The following TRPM7 variants were observed in gnomAD, a reference collection of about 807,000 sequenced individuals.
TRPM7 encodes LTRPC ion channel family member 7.
Under a neutral mutation model 229.7 loss-of-function variants are expected in TRPM7, and 134 were observed. The ratio of observed to expected loss-of-function variants is 0.58; its 90% CI spans 0.51 to 0.67. TRPM7 has a LOEUF of 0.67. Ranked by LOEUF, TRPM7 falls within the 30% of genes least tolerant of loss-of-function variation. The pLI is 0.00. For synonymous variants in TRPM7, 699 were observed against 715.2 expected (o/e 0.98, Z 0.36); for missense variants, 1,901 against 2,210.0 (o/e 0.86, Z 2.80).
intron 16 of TRPM7, among the ~76,000 whole-genome samples, chr15:50,611,796 G>C (rs2060068924): frequency 6.6e-6 from 1 of 152,132 alleles, no homozygotes; most frequent in African/African-American, 2.4e-5. Context: ...AATTATCACT[G>C]CCCTCTAAAT....
intron 4 of TRPM7, among the ~76,000 whole-genome samples, chr15:50,644,158 A>C (rs1596292031): frequency 6.6e-6 from 1 of 152,334 alleles, no homozygotes; most frequent in African/African-American, 2.4e-5. Context: ...GAAAATCGTA[A>C]TCAACATTTC....
intron 1 of TRPM7, among the ~76,000 whole-genome samples, chr15:50,671,873 G>C (rs1042920920): frequency 4.6e-5 from 7 of 152,010 alleles, no homozygotes; most frequent in Non-Finnish European, 1.0e-4. Flanking sequence ...GGACTACTTG[G>C]GTATTTGTTT....
intron 1 of TRPM7, among the ~76,000 whole-genome samples, chr15:50,672,233 TTAG>T (rs959699588): frequency 3.9e-5 from 6 of 152,084 alleles, no homozygotes; most frequent in African/African-American, 1.4e-4. Context: ...TTTTGTATTT[TTAG>T]TAGAGACATT....
intron 3 of TRPM7, among the ~76,000 whole-genome samples, chr15:50,652,521 G>C (rs2061449606): frequency 9.5e-6 from 1 of 105,806 alleles, no homozygotes; most frequent in Non-Finnish European, 2.1e-5. Flanking sequence ...GCAAGACTCT[G>C]TCTCAAAAAA....
chr15:50,681,243 T>C (rs2062234025), intron 1 of TRPM7, among the ~76,000 whole-genome samples: 1 of 131,966 alleles, frequency 7.6e-6, no homozygotes, highest in African/African-American at 3.4e-5. Context: ...CGAGCAAGAC[T>C]TCGTCTCAAA....
chr15:50,686,520 G>A lies in TRPM7; in HGVS notation c.3+11C>T. ...AACCATTCCCCGCCCGGGCCTGCGT[G>A]GGTCCAGTACCATTCTCCTCACGGG... On this transcript the variant is annotated intron_variant, in intron 1 of 38. Coordinates refer to ENST00000646667, the MANE Select transcript of TRPM7 (RefSeq NM_017672.6). 3 of 1,613,766 alleles carry A rather than the reference G, an allele frequency of 1.9e-6. No individual in the cohort carries two copies. The highest frequency in any genetic ancestry group is 2.5e-6 in the Non-Finnish European group (3 of 1,179,822).
In TRPM7 at chr15:50,635,645, AG is replaced by A. The variant is rs1049217014; in HGVS notation, c.833-1090del. On this transcript the variant is annotated intron_variant, in intron 7 of 38. Transcript: ENST00000646667. ...GCCACTGCACTCCAGCCTGAGCAAC[AG>A]AGCAAGACTCCATCTCCCAAAAAAA... Among the ~76,000 whole-genome samples the A allele has an allele frequency of 6.2e-4, 87 of 140,520 alleles. 1 individual carries two copies. The highest frequency in any genetic ancestry group is 1.1e-3 in the Non-Finnish European group (72 of 65,744). 92.2% of individuals were successfully genotyped at this position (140,520 alleles called of 152,430 possible). A position where few individuals can be genotyped will look rare whatever the true frequency, so the allele number is the denominator to read the frequency against.
At chr15:50,595,985 T>C (rs2059619549) in intron 23 of TRPM7, among the ~76,000 whole-genome samples, 3 of 152,232 alleles carry the variant, frequency 2.0e-5, no homozygotes, top group South Asian at 2.1e-4. Context: ...GAATTTTCTA[T>C]ATTGAATGCG....
At chr15:50,569,864 A>G (rs2053785380) in intron 38 of TRPM7, 23 bp downstream of exon 38, 2 of 1,525,256 alleles carry the variant, frequency 1.3e-6, no homozygotes, top group Middle Eastern at 1.8e-4. Flanking sequence ...TTTATATACT[A>G]TACTGATTAA....
At chr15:50,660,960 G>C (rs990796006) in intron 2 of TRPM7, among the ~76,000 whole-genome samples, 7 of 150,712 alleles carry the variant, frequency 4.6e-5, no homozygotes, top group Admixed American at 1.3e-4. Context: ...CACAATAACA[G>C]AATATTAACT....
chr15:50,570,360 T>C (rs1485389677), intron 36 of TRPM7, among the ~76,000 whole-genome samples: 1 of 152,152 alleles, frequency 6.6e-6, no homozygotes, highest in African/African-American at 2.4e-5. Flanking sequence ...GGGAGAGGCA[T>C]ATCTCCTTGT....
Position 50,611,178 on chromosome 15 carries a change from G to T in TRPM7, c.2195C>A (p.Pro732His). 3.7e-6 allele frequency: 6 copies of T among 1,613,908 alleles called. No individual in the cohort carries two copies. The highest frequency in any genetic ancestry group is 5.1e-6 in the Non-Finnish European group (6 of 1,179,926). ...LKLAVSSRLR[P>H]FVAHTCTQML... Reference sequence around the variant, plus strand: ...TTGTGTACAGGTGTGAGCTACAAAAGGTCTAAGTCTTGAAGAAACTGCTAA... The same window carrying T: ...TTGTGTACAGGTGTGAGCTACAAAATGTCTAAGTCTTGAAGAAACTGCTAA... The change falls in exon 17 of 39, where the codon CCT becomes CAT. Residue 732 changes from proline (P) to histidine (H), a missense_variant. Coordinates refer to ENST00000646667, the MANE Select transcript of TRPM7 (RefSeq NM_017672.6).
rs758198272 is a variant in TRPM7 at position 50,611,272 on chromosome 15, C to T, written c.2101G>A (p.Asp701Asn). The T allele has an allele frequency of 3.7e-6, 6 of 1,613,774 alleles. No homozygotes were observed. In the South Asian group the frequency reaches 6.6e-5, roughly 18 times the overall value. ...AGCAATTTCATAGCCATGGTTTCATCTTGTCTGAAGGACTGTTCTAATAAT... is the reference window on the plus strand; with the variant it reads ...AGCAATTTCATAGCCATGGTTTCATTTTGTCTGAAGGACTGTTCTAATAAT... ...VELLEQSFRQ[D>N]ETMAMKLLTY... Residue 701 changes from aspartate (D) to asparagine (N), a missense_variant, in exon 17 of 39, where the codon GAT (aspartate) becomes AAT (asparagine). By Grantham distance (23) the Asp-to-Asn change is conservative. Transcript: ENST00000646667.
At chr15:50,588,342 G>C (rs1402420968) in intron 27 of TRPM7, 1 of 367,444 alleles carries the variant, frequency 2.7e-6, no homozygotes, top group Non-Finnish European at 3.8e-6. Flanking sequence ...ACCTCAATTT[G>C]CATATAATAA....
intron 10 of TRPM7, among the ~76,000 whole-genome samples, chr15:50,630,113 T>C (rs1295163734): frequency 6.6e-6 from 1 of 152,022 alleles, no homozygotes; most frequent in Non-Finnish European, 1.5e-5. Flanking sequence ...CCACCCGCCT[T>C]AGCCTCCCAA....
At chr15:50,597,081 A>G (rs1325946214) in intron 22 of TRPM7, among the ~76,000 whole-genome samples, 1 of 152,238 alleles carries the variant, frequency 6.6e-6, no homozygotes, top group Non-Finnish European at 1.5e-5. Flanking sequence ...TACATTTAAT[A>G]AAGAATATTG....
intron 27 of TRPM7, chr15:50,588,261 T>C: frequency 1.0e-6 from 1 of 984,314 alleles, no homozygotes; most frequent in Non-Finnish European, 1.2e-6. Context: ...CTATTTGAGG[T>C]AAGAAAATTA....
chr15:50,653,769 T>G (rs2061486144), intron 3 of TRPM7, among the ~76,000 whole-genome samples: 2 of 152,148 alleles, frequency 1.3e-5, no homozygotes, highest in African/African-American at 4.8e-5. Context: ...GAAAAAAATC[T>G]CACATGGGGA....
At chr15:50,638,674 T>TTGTA (rs11283855) in intron 6 of TRPM7, among the ~76,000 whole-genome samples, 3,558 of 150,616 alleles carry the variant, frequency 0.024, 131 homozygotes, top group African/African-American at 0.074. Flanking sequence ...AATTCAGTAA[T>TTGTA]TGTATGTATG....
Sources: gnomAD v4.1 joint callset for allele counts (sites outside exome capture counted in the v4.1 genomes callset) on GRCh38, gnomAD v4.1.1 for gene constraint, MANE v1.5 for transcripts, NCBI Gene and HGNC (gene_info 2026-07-23, HGNC 2026-07-21) for gene names.